The following TTC28 variants were observed in gnomAD, a reference collection of about 807,000 sequenced individuals.
The protein encoded by TTC28 is tetratricopeptide repeat protein 28.
A neutral mutation model predicts 198.0 loss-of-function variants in TTC28; 61 were observed. The ratio of observed to expected loss-of-function variants is 0.31; its 90% CI spans 0.25 to 0.38. The LOEUF (loss-of-function observed/expected upper bound fraction) is 0.38, where lower values mean the gene tolerates loss of function less well. Among genes scored for constraint, TTC28 ranks in the 10% least tolerant of loss-of-function variants. The pLI, the probability that TTC28 is intolerant of heterozygous loss-of-function variation, is 1.00. For synonymous variants in TTC28, 1,171 were observed against 1,297.8 expected (o/e 0.90, Z 2.10); for missense variants, 2,678 against 3,164.0 (o/e 0.85, Z 3.69).
intron 2 of TTC28, among the ~76,000 whole-genome samples, chr22:28,546,141 T>C (rs2049536367): frequency 6.6e-6 from 1 of 152,178 alleles, no homozygotes; most frequent in African/African-American, 2.4e-5. Flanking sequence ...ATGTAATAAA[T>C]CAATAGAACA....
chr22:28,404,582 G>GACTTAACC (rs1455542171), intron 2 of TTC28, among the ~76,000 whole-genome samples: 1 of 152,020 alleles, frequency 6.6e-6, no homozygotes, highest in African/African-American at 2.4e-5. Context: ...TGCATCCCAG[G>GACTTAACC]ACTTAACCTC....
intron 2 of TTC28, among the ~76,000 whole-genome samples, chr22:28,464,294 C>T (rs1386435162): frequency 6.6e-6 from 1 of 152,092 alleles, no homozygotes; most frequent in East Asian, 1.9e-4. Flanking sequence ...TTAAATTTAA[C>T]CAGAATTAAT....
intron 6 of TTC28, among the ~76,000 whole-genome samples, chr22:28,158,593 C>T (rs927803605): frequency 6.6e-6 from 1 of 152,090 alleles, no homozygotes; most frequent in Non-Finnish European, 1.5e-5. Flanking sequence ...GAATAGAGAA[C>T]CCAGAAACAA....
intron 1 of TTC28, among the ~76,000 whole-genome samples, chr22:28,635,985 C>A (rs922641316): frequency 6.6e-5 from 10 of 151,748 alleles, no homozygotes; most frequent in Non-Finnish European, 8.8e-5. Context: ...TGATAACCAC[C>A]CTTCTACTCT....
intron 5 of TTC28, among the ~76,000 whole-genome samples, chr22:28,178,273 G>T (rs1923361701): frequency 6.8e-6 from 1 of 147,556 alleles, no homozygotes; most frequent in African/African-American, 2.5e-5. Context: ...TGCCTAACAT[G>T]GTGAAACGCC....
Position 28,556,126 on chromosome 22 carries a change from A to G in TTC28, c.381+73426T>C, listed in dbSNP as rs553825607. ...GTAATCCCAGCACTTTGGGAGGCCAAGGAGGGTGGATCACATGAGGTCAGG... is the reference window on the plus strand; with the variant it reads ...GTAATCCCAGCACTTTGGGAGGCCAGGGAGGGTGGATCACATGAGGTCAGG... On this transcript the variant is annotated intron_variant, in intron 2 of 22. Transcript: ENST00000397906. 2.0e-5 allele frequency among the ~76,000 whole-genome samples: 3 copies of G among 152,198 alleles called. No individual in the cohort carries two copies. The East Asian group carries it at 5.8e-4, about 29-fold the overall frequency.
intron 2 of TTC28, among the ~76,000 whole-genome samples, chr22:28,318,504 C>G (rs1425394570): frequency 6.6e-6 from 1 of 152,130 alleles, no homozygotes; most frequent in Non-Finnish European, 1.5e-5. Flanking sequence ...TTGTTCTCCT[C>G]CCTTGAGTCA....
At chr22:28,044,176 C>T (rs1036062835) in intron 12 of TTC28, among the ~76,000 whole-genome samples, 4 of 152,164 alleles carry the variant, frequency 2.6e-5, no homozygotes, top group Non-Finnish European at 5.9e-5. Context: ...TTGAATGAGG[C>T]TAGATTTAAT....
At chr22:28,602,972 C>T (rs548731212) in intron 2 of TTC28, among the ~76,000 whole-genome samples, 8 of 152,112 alleles carry the variant, frequency 5.3e-5, no homozygotes, top group Non-Finnish European at 7.4e-5. Context: ...CTCTGCCTCC[C>T]GGGTTCCAGC....
intron 2 of TTC28, among the ~76,000 whole-genome samples, chr22:28,622,872 A>T (rs2051022001): frequency 6.6e-6 from 1 of 151,768 alleles, no homozygotes; most frequent in Admixed American, 6.6e-5. Flanking sequence ...CCCAGGCTGG[A>T]GTGCAATGGC....
chr22:28,642,186 A>G (rs2051378432), intron 1 of TTC28, among the ~76,000 whole-genome samples: 1 of 152,036 alleles, frequency 6.6e-6, no homozygotes, highest in South Asian at 2.1e-4. Flanking sequence ...AATTTAGAAA[A>G]ATAAAATCAT....
chr22:28,229,633 G>A (rs1928646946), intron 5 of TTC28, among the ~76,000 whole-genome samples: 1 of 152,122 alleles, frequency 6.6e-6, no homozygotes, highest in African/African-American at 2.4e-5. Flanking sequence ...GTAATATGGA[G>A]GCAACAAGCA....
At chr22:28,394,806 C>T (rs769416479) in intron 2 of TTC28, among the ~76,000 whole-genome samples, 1 of 152,126 alleles carries the variant, frequency 6.6e-6, no homozygotes, top group Non-Finnish European at 1.5e-5. Context: ...ATTTCAATAA[C>T]GTATGAATTT....
chr22:28,193,070 A>G (rs1459773631), intron 5 of TTC28, among the ~76,000 whole-genome samples: 1 of 152,252 alleles, frequency 6.6e-6, no homozygotes, highest in Non-Finnish European at 1.5e-5. Context: ...AAGGAAGCCC[A>G]TCAGACTAAC....
chr22:28,585,835 T>C (rs1157410369), intron 2 of TTC28, among the ~76,000 whole-genome samples: 4 of 152,168 alleles, frequency 2.6e-5, no homozygotes, highest in African/African-American at 9.6e-5. Context: ...TGTAGAAAGA[T>C]GGGCAAGGGG....
At chr22:28,244,790 T>C (rs1929960683) in intron 5 of TTC28, among the ~76,000 whole-genome samples, 1 of 152,212 alleles carries the variant, frequency 6.6e-6, no homozygotes, top group Non-Finnish European at 1.5e-5. Flanking sequence ...TTGTCATCTT[T>C]TTTCATGTAC....
At chr22:28,345,091 C>T (rs1268109173) in intron 2 of TTC28, among the ~76,000 whole-genome samples, 1 of 152,130 alleles carries the variant, frequency 6.6e-6, no homozygotes, top group Non-Finnish European at 1.5e-5. Flanking sequence ...AGTATGCCGC[C>T]TCCCTGACTG....
chr22:28,180,684 T>G (rs1923612265), intron 5 of TTC28, among the ~76,000 whole-genome samples: 1 of 152,122 alleles, frequency 6.6e-6, no homozygotes, highest in Non-Finnish European at 1.5e-5. Context: ...AGTGGACCAA[T>G]CAATGAAATA....
At chr22:28,036,522 T>C (rs1456750812) in intron 12 of TTC28, among the ~76,000 whole-genome samples, 1 of 152,190 alleles carries the variant, frequency 6.6e-6, no homozygotes, top group African/African-American at 2.4e-5. Flanking sequence ...TAAAGCAGTG[T>C]GTAGAGGGAA....
Sources: allele counts gnomAD v4.1 joint callset (sites outside exome capture counted in the v4.1 genomes callset), GRCh38; gene constraint gnomAD v4.1.1; transcripts MANE v1.5; gene names NCBI Gene and HGNC (gene_info 2026-07-23, HGNC 2026-07-21).